CCSER1: variants seen among roughly 807,000 people sequenced by gnomAD.
The protein encoded by CCSER1 is coiled-coil serine rich protein 1.
In CCSER1, 41 loss-of-function variants were observed where a neutral mutation model predicts 82.0. The ratio of observed to expected loss-of-function variants is 0.50; its 90% CI spans 0.39 to 0.65. The LOEUF (loss-of-function observed/expected upper bound fraction) is 0.65, where lower values mean the gene tolerates loss of function less well. Ranked by LOEUF, CCSER1 falls within the 30% of genes least tolerant of loss-of-function variation. The probability of loss-of-function intolerance (pLI) is 0.00; values close to 1 mark genes in which losing one functional copy is unlikely to be tolerated. For synonymous variants in CCSER1, 414 were observed against 383.9 expected (o/e 1.08, Z -0.92); for missense variants, 1,119 against 1,064.2 (o/e 1.05, Z -0.72).
At chr4:90,358,437 T>C (rs1214997244) in intron 3 of CCSER1, among the ~76,000 whole-genome samples, 2 of 152,136 alleles carry the variant, frequency 1.3e-5, no homozygotes, top group Non-Finnish European at 2.9e-5. Context: ...GTATTGATAT[T>C]AATTAGTACA....
At chr4:91,369,246 A>G (rs954355300) in intron 10 of CCSER1, among the ~76,000 whole-genome samples, 2 of 152,200 alleles carry the variant, frequency 1.3e-5, no homozygotes, top group African/African-American at 2.4e-5. Context: ...TGGACTACCC[A>G]AAGGGGATTG....
At chr4:90,711,509 A>G (rs1378481977) in intron 6 of CCSER1, among the ~76,000 whole-genome samples, 1 of 152,112 alleles carries the variant, frequency 6.6e-6, no homozygotes, top group African/African-American at 2.4e-5. Flanking sequence ...TGTTCATTCA[A>G]TACTTAGTTT....
At chr4:91,056,612 A>G (rs1425429487) in intron 9 of CCSER1, among the ~76,000 whole-genome samples, 1 of 152,164 alleles carries the variant, frequency 6.6e-6, no homozygotes, top group Non-Finnish European at 1.5e-5. Context: ...AGTTTTCCAC[A>G]CATGAATTTG....
intron 10 of CCSER1, among the ~76,000 whole-genome samples, chr4:91,328,054 A>G (rs1485783571): frequency 6.6e-6 from 1 of 152,148 alleles, no homozygotes; most frequent in Admixed American, 6.5e-5. Flanking sequence ...GAATGCTTCA[A>G]TCTTCTCAAT....
chr4:91,091,141 C>G (rs1156967107), intron 10 of CCSER1, among the ~76,000 whole-genome samples: 1 of 152,178 alleles, frequency 6.6e-6, no homozygotes, highest in Non-Finnish European at 1.5e-5. Context: ...ACATCCTGCT[C>G]CTAGCTTATT....
At chr4:91,329,357 A>G (rs1448048963) in intron 10 of CCSER1, among the ~76,000 whole-genome samples, 1 of 152,222 alleles carries the variant, frequency 6.6e-6, no homozygotes, top group African/African-American at 2.4e-5. Context: ...TTTACTAAGT[A>G]GAATTCACAA....
At chr4:91,590,556 C>G (rs1764216613) in intron 10 of CCSER1, among the ~76,000 whole-genome samples, 1 of 152,102 alleles carries the variant, frequency 6.6e-6, no homozygotes. Context: ...AGGAAAAGGG[C>G]AGCCTGTTAT....
At position 90,308,571 on chromosome 4, in the gene CCSER1, G is replaced by A; in HGVS notation, c.287G>A (p.Gly96Asp). The A allele has an allele frequency of 6.2e-7, 1 of 1,613,882 alleles. No individual in the cohort carries two copies. Among genetic ancestry groups the A allele is most frequent in the South Asian group, 1.1e-5 (1 of 91,076 alleles). Residue 96 changes from glycine to aspartate, a missense_variant, in exon 2 of 11, where the codon GGT (glycine) becomes GAT (aspartate). Physicochemically the swap from Gly to Asp is moderately conservative, Grantham distance 94. Transcript: ENST00000509176. ...AGTATTTCAAATGGTGCTCAACCTG[G>A]TCACAGCAATATGCAGAAACTGAGT... ...NLSISNGAQPGHSNMQKLSLE... is the reference protein window; with the variant it reads ...NLSISNGAQPDHSNMQKLSLE...
At chr4:91,512,603 T>C (rs577735287) in intron 10 of CCSER1, among the ~76,000 whole-genome samples, 2 of 152,310 alleles carry the variant, frequency 1.3e-5, no homozygotes, top group South Asian at 4.1e-4. Context: ...ACAAACTTAA[T>C]AAACTCCCTT....
At chr4:90,295,326 C>T (rs1195891867) in intron 1 of CCSER1, among the ~76,000 whole-genome samples, 1 of 151,826 alleles carries the variant, frequency 6.6e-6, no homozygotes, top group African/African-American at 2.4e-5. Context: ...TACTTTTTCA[C>T]CAAACCTGAT....
intron 8 of CCSER1, among the ~76,000 whole-genome samples, chr4:90,867,920 T>C (rs9998356): frequency 0.7 from 106,432 of 151,956 alleles, 37,469 homozygotes; most frequent in African/African-American, 0.75. Context: ...TGTATATGCA[T>C]AACATTGTTT....
At chr4:90,616,736 CACAAATAAA>C (rs1326567381) in intron 5 of CCSER1, among the ~76,000 whole-genome samples, 2 of 60,388 alleles carry the variant, frequency 3.3e-5, no homozygotes, top group African/African-American at 1.9e-4. Flanking sequence ...CACACACACA[CACAAATAAA>C]ATAAAATAAA....
intron 10 of CCSER1, among the ~76,000 whole-genome samples, chr4:91,303,622 CA>C (rs1446672205): frequency 6.6e-6 from 1 of 151,684 alleles, no homozygotes; most frequent in Non-Finnish European, 1.5e-5. Flanking sequence ...CCCATCTCTA[CA>C]AAAAGAATAA....
intron 5 of CCSER1, among the ~76,000 whole-genome samples, chr4:90,588,752 G>C (rs1200925237): frequency 6.6e-6 from 1 of 152,114 alleles, no homozygotes; most frequent in African/African-American, 2.4e-5. Flanking sequence ...CTCAAGAGCT[G>C]ATGGTTTTAT....
chr4:90,556,682 T>C (rs1360146996), intron 5 of CCSER1, among the ~76,000 whole-genome samples: 1 of 151,894 alleles, frequency 6.6e-6, no homozygotes, highest in Non-Finnish European at 1.5e-5. Flanking sequence ...GAAATATATT[T>C]ATTCATTACG....
intron 10 of CCSER1, among the ~76,000 whole-genome samples, chr4:91,093,310 A>G (rs891102668): frequency 2.0e-5 from 3 of 152,226 alleles, no homozygotes; most frequent in Admixed American, 2.0e-4. Context: ...GTCTGCTAGA[A>G]TACACTGAGT....
At chr4:90,784,234 G>A (rs1307622044) in intron 7 of CCSER1, among the ~76,000 whole-genome samples, 1 of 152,116 alleles carries the variant, frequency 6.6e-6, no homozygotes, top group African/African-American at 2.4e-5. Flanking sequence ...ATATGCACGT[G>A]ACTAGCTGAA....
At chr4:91,560,396 T>C (rs907258656) in intron 10 of CCSER1, among the ~76,000 whole-genome samples, 3 of 151,558 alleles carry the variant, frequency 2.0e-5, no homozygotes, top group Admixed American at 1.3e-4. Context: ...AGTGGGTGAT[T>C]AGTAATTAAA....
intron 1 of CCSER1, 114 bp from the exon 2 acceptor site, chr4:90,308,129 GT>G: frequency 1.3e-6 from 1 of 762,430 alleles, no homozygotes; most frequent in Non-Finnish European, 1.9e-6. Context: ...GTTATTTATC[GT>G]CTTAGTATAA....
Sources: gnomAD v4.1 joint callset for allele counts (sites outside exome capture counted in the v4.1 genomes callset) on GRCh38, gnomAD v4.1.1 for gene constraint, MANE v1.5 for transcripts, NCBI Gene and HGNC (gene_info 2026-07-23, HGNC 2026-07-21) for gene names.